The following SMOX variants were observed in gnomAD, a reference collection of about 807,000 sequenced individuals.
SMOX encodes the protein flavin containing amine oxidase.
SMOX carries 22 observed loss-of-function variants against 51.0 expected under a neutral mutation model. That is an observed-to-expected ratio of 0.43 (90% CI 0.31 to 0.62). The LOEUF (loss-of-function observed/expected upper bound fraction) is 0.62, where lower values mean the gene tolerates loss of function less well. SMOX is among the 20% of genes least tolerant of loss of function. SMOX has a pLI of 0.10. For synonymous variants in SMOX, 282 were observed against 307.8 expected, an observed-to-expected ratio of 0.92 and a Z score of 0.88; for missense variants, 566 against 777.7, an observed-to-expected ratio of 0.73 and a Z score of 3.24.
chr20:4,187,096 G>T lies in SMOX; in HGVS notation c.1531-174G>T, dbSNP rs938106929. ...GAAAGAGCCAAGGGAAGAAGCAGGG[G>T]AAAGTGGCCAGATAGGATGGGCAGC... is the stretch of plus-strand genomic sequence containing the variant. On this transcript the variant is annotated intron_variant, in intron 6 of 6. Transcript: ENST00000305958. The surrounding 1 kb of genome is among the most constrained non-coding windows in gnomAD (Gnocchi z 4.8). Among the ~76,000 whole-genome samples, 14 of 152,198 alleles carry T rather than the reference G, an allele frequency of 9.2e-5. No homozygotes were observed. The highest frequency in any genetic ancestry group is 3.4e-4 in the African/African-American group (14 of 41,462).
chr20:4,166,608 T>A lies in SMOX; in HGVS notation c.-26-8422T>A, dbSNP rs1019008862. Among the ~76,000 whole-genome samples the A allele has an allele frequency of 6.6e-6, 1 of 152,192 alleles. No homozygotes were observed. Among genetic ancestry groups the A allele is most frequent in the African/African-American group, 2.4e-5 (1 of 41,452 alleles). ...TCCTGGGTCTGCCCCTACAGGGAGC[T>A]ATAAAATCACCTTATGCCTCCCAGG... On this transcript the variant is annotated intron_variant, in intron 1 of 6. Coordinates refer to ENST00000305958, the MANE Select transcript of SMOX (RefSeq NM_175839.3). This position sits in a 1 kb window ranked among gnomAD's most constrained non-coding sequence, Gnocchi z 4.2.
intron 1 of SMOX, among the ~76,000 whole-genome samples, chr20:4,154,026 C>T (rs998651428): frequency 2.0e-5 from 3 of 152,136 alleles, no homozygotes; most frequent in African/African-American, 7.2e-5. Context: ...ATAATGAGGT[C>T]CTCCTCCCAG....
intron 1 of SMOX, chr20:4,171,994 C>G (rs1476597557): frequency 6.6e-6 from 1 of 152,326 alleles, no homozygotes; most frequent in Non-Finnish European, 1.5e-5. Flanking sequence ...GCGCTGTTCC[C>G]CTATCCTGGC....
At chr20:4,171,946 AGGCAGGTAGCT>A (rs1342618609) in intron 1 of SMOX, 1 of 152,368 alleles carries the variant, frequency 6.6e-6, no homozygotes, top group Non-Finnish European at 1.5e-5. Context: ...GGAGCAGGGA[AGGCAGGTAGCT>A]GGCTGGGACG....
chr20:4,179,010 A>G (rs1375845765), intron 3 of SMOX, among the ~76,000 whole-genome samples: 1 of 152,172 alleles, frequency 6.6e-6, no homozygotes, highest in East Asian at 1.9e-4. Flanking sequence ...TCTCTTGGGC[A>G]TGAGAAAGGA....
At chr20:4,155,279 G>A (rs1985957406) in intron 1 of SMOX, among the ~76,000 whole-genome samples, 3 of 152,182 alleles carry the variant, frequency 2.0e-5, no homozygotes, top group Admixed American at 2.0e-4. Flanking sequence ...ACCCCAGCGT[G>A]TGCAGTGCCT....
At position 4,182,677 on chromosome 20, in the gene SMOX, C is replaced by G. The variant is rs1157442346; in HGVS notation, c.1198C>G (p.Pro400Ala). The G allele has an allele frequency of 6.2e-7, 1 of 1,614,120 alleles. No individual in the cohort carries two copies. Among genetic ancestry groups the G allele is most frequent in the South Asian group, 1.1e-5 (1 of 91,068 alleles). ...DEAESHTLTY[P>A]PELWYRKICG... ...AGCAGAGAGCCACACCCTCACCTAC[C>G]CACCTGAGCTCTGGTACCGCAAGAT... is the stretch of plus-strand genomic sequence containing the variant. The change falls in exon 5 of 7, where the codon CCA (proline) becomes GCA (alanine). Residue 400 changes from proline (P) to alanine (A), a missense_variant. Coordinates refer to ENST00000305958, the MANE Select transcript of SMOX (RefSeq NM_175839.3). This position sits in a 1 kb window ranked among gnomAD's most constrained non-coding sequence, Gnocchi z 8.4.
intron 1 of SMOX, among the ~76,000 whole-genome samples, chr20:4,150,152 C>T (rs1016486631): frequency 2.0e-5 from 3 of 152,220 alleles, no homozygotes; most frequent in Admixed American, 2.0e-4. Flanking sequence ...GGCACCCTGT[C>T]TCTCCAATTT....
intron 1 of SMOX, among the ~76,000 whole-genome samples, chr20:4,164,511 AC>A (rs1425916248): frequency 6.6e-6 from 1 of 152,162 alleles, no homozygotes. Flanking sequence ...CCAGCGTCAG[AC>A]CCCAGGACCT....
At chr20:4,184,125 A>G (rs1390128709) in intron 6 of SMOX, among the ~76,000 whole-genome samples, 1 of 150,582 alleles carries the variant, frequency 6.6e-6, no homozygotes, top group Non-Finnish European at 1.5e-5. Flanking sequence ...GACCACAGGC[A>G]TGCCGGCACG....
intron 6 of SMOX, among the ~76,000 whole-genome samples, chr20:4,186,065 G>A (rs1215917844): frequency 1.3e-5 from 2 of 152,190 alleles, no homozygotes; most frequent in Admixed American, 6.5e-5. Flanking sequence ...ACTATGGGAG[G>A]CCGAAGTGGG....
chr20:4,158,085 A>T (rs902243737), intron 1 of SMOX, among the ~76,000 whole-genome samples: 2 of 148,538 alleles, frequency 1.3e-5, no homozygotes, highest in African/African-American at 4.9e-5. Context: ...TATTTTTAGT[A>T]GAGATGGTGT....
chr20:4,149,918 A>G lies in SMOX; in HGVS notation c.-27+941A>G, dbSNP rs1310608175. ...CGCGGGCCGGGGTGCCATGCATCCG[A>G]AAGTGTGTGCAGTGAAGCCCCCACA... On this transcript the variant is annotated intron_variant, in intron 1 of 6. Coordinates refer to ENST00000305958, the MANE Select transcript of SMOX (RefSeq NM_175839.3). The surrounding 1 kb of genome is among the most constrained non-coding windows in gnomAD (Gnocchi z 6.0). 2.6e-5 allele frequency among the ~76,000 whole-genome samples: 4 copies of G among 152,122 alleles called. No individual in the cohort carries two copies. In the East Asian group the frequency reaches 7.7e-4, roughly 29 times the overall value.
Position 4,177,677 on chromosome 20 carries a change from G to T in SMOX, c.435+100G>T. The T allele has an allele frequency of 9.4e-7, 1 of 1,061,922 alleles. No individual in the cohort carries two copies. The highest frequency in any genetic ancestry group is 1.6e-5 in the African/African-American group (1 of 63,478). The allele number at this position is 1,061,922 out of a possible 1,614,324, so 65.8% of individuals were successfully genotyped here. A position where few individuals can be genotyped will look rare whatever the true frequency, so the allele number is the denominator to read the frequency against. ...TGCACACTCCCTGGGCCTTGCATTT[G>T]GAAAACCAGGATAATGTGAGGGTAA... On this transcript the variant is annotated intron_variant, in intron 3 of 6. Transcript: ENST00000305958. This position sits in a 1 kb window ranked among gnomAD's most constrained non-coding sequence, Gnocchi z 4.3.
intron 1 of SMOX, among the ~76,000 whole-genome samples, chr20:4,162,633 A>T (rs1242410834): frequency 6.6e-6 from 1 of 152,134 alleles, no homozygotes; most frequent in Non-Finnish European, 1.5e-5. Flanking sequence ...CGGAATCTCC[A>T]GGGGCTGATG....
chr20:4,157,596 T>C (rs1166949240), intron 1 of SMOX, among the ~76,000 whole-genome samples: 2 of 152,098 alleles, frequency 1.3e-5, no homozygotes, highest in Non-Finnish European at 2.9e-5. Flanking sequence ...GGGACTACCT[T>C]CGTTCACTGG....
At chr20:4,179,609 C>T (rs1267482623) in intron 3 of SMOX, among the ~76,000 whole-genome samples, 1 of 152,176 alleles carries the variant, frequency 6.6e-6, no homozygotes, top group African/African-American at 2.4e-5. Context: ...TATTTATTAA[C>T]AAATACATGA....
intron 1 of SMOX, among the ~76,000 whole-genome samples, chr20:4,150,115 T>C (rs141012012): frequency 2.9e-4 from 44 of 152,318 alleles, no homozygotes; most frequent in Non-Finnish European, 5.6e-4. Flanking sequence ...CCCTGGATCG[T>C]CCACAGCATT....
At chr20:4,164,989 C>T (rs999026732) in intron 1 of SMOX, among the ~76,000 whole-genome samples, 8 of 151,260 alleles carry the variant, frequency 5.3e-5, no homozygotes, top group African/African-American at 1.9e-4. Context: ...GTGATCCTCC[C>T]ACCTTAGCCT....
Sources: allele counts gnomAD v4.1 joint callset (sites outside exome capture counted in the v4.1 genomes callset), GRCh38; gene constraint gnomAD v4.1.1; non-coding constraint Gnocchi (gnomAD v3.1); transcripts MANE v1.5; gene names NCBI Gene and HGNC (gene_info 2026-07-23, HGNC 2026-07-21).